Variants in SYNE1 observed in about 807,000 individuals in gnomAD.
SYNE1 encodes spectrin repeat containing nuclear envelope protein 1.
In SYNE1, 616 loss-of-function variants were observed where a neutral mutation model predicts 1,111.0. The observed-to-expected ratio is 0.55, with a 90% CI of 0.52 to 0.59. The LOEUF is 0.59. Ranked by LOEUF, SYNE1 falls within the 20% of genes least tolerant of loss-of-function variation. The pLI is 0.00. For missense variants in SYNE1, 10,006 were observed against 10,417.0 expected (o/e 0.96, Z 1.72); for synonymous variants, 3,855 against 3,825.8 (o/e 1.01, Z -0.28).
At chr6:152,411,503 G>C (rs1682433587) in intron 42 of SYNE1, among the ~76,000 whole-genome samples, 1 of 151,738 alleles carries the variant, frequency 6.6e-6, no homozygotes, top group Non-Finnish European at 1.5e-5. Context: ...GTTTTGATTG[G>C]GATTGTATAA....
At chr6:152,389,729 C>CTGACTG (rs2097578816) in intron 53 of SYNE1, among the ~76,000 whole-genome samples, 1 of 152,014 alleles carries the variant, frequency 6.6e-6, no homozygotes, top group Admixed American at 6.5e-5. Context: ...TGGACTGACT[C>CTGACTG]TTGGTTGTGG....
intron 87 of SYNE1, among the ~76,000 whole-genome samples, chr6:152,314,259 G>C (rs1443497770): frequency 1.3e-5 from 2 of 152,150 alleles, no homozygotes; most frequent in African/African-American, 4.8e-5. Flanking sequence ...ATTCCCAACA[G>C]ACTTTTAGGA....
At chr6:152,493,757 A>G (rs1274795036) in intron 11 of SYNE1, among the ~76,000 whole-genome samples, 1 of 152,106 alleles carries the variant, frequency 6.6e-6, no homozygotes, top group Non-Finnish European at 1.5e-5. Flanking sequence ...GTGTCCGGCT[A>G]ATCTCCCAAA....
intron 14 of SYNE1, chr6:152,480,667 CTAG>C (rs1343898814): frequency 4.7e-6 from 2 of 429,774 alleles, no homozygotes; most frequent in Non-Finnish European, 9.2e-6. Flanking sequence ...ATGCCCAGGC[CTAG>C]TAGAAGTTCC....
chr6:152,145,470 C>T lies in SYNE1; in HGVS notation c.24977-1705G>A, dbSNP rs375931512. ...ACAGGGGAGGGAGGGAGGCTGGCTC[C>T]GGCTTGTTGTGCCTACCGGAGGTAT... On this transcript the variant is annotated intron_variant, in intron 137 of 145. Coordinates refer to ENST00000367255, the MANE Select transcript of SYNE1 (RefSeq NM_182961.4). The T allele has an allele frequency of 1.1e-4, 172 of 1,612,942 alleles. No homozygotes were observed. The highest frequency in any genetic ancestry group is 6.0e-4 in the African/African-American group (45 of 74,836).
In SYNE1 at chr6:152,294,586, AC is replaced by A. The variant is rs200264057; in HGVS notation, c.17683-460del. On this transcript the variant is annotated intron_variant, in intron 93 of 145. Transcript: ENST00000367255. Reference sequence around the variant, plus strand: ...AATCTACAGATGCAGCCAGATCTTCACTATCTGTGGGTTCATCATTTGCTGA... The same window carrying A: ...AATCTACAGATGCAGCCAGATCTTCATATCTGTGGGTTCATCATTTGCTGA... Among the ~76,000 whole-genome samples, 983 of 152,298 alleles carry A rather than the reference AC, an allele frequency of 6.5e-3. 3 individuals are homozygous for A. Among genetic ancestry groups the A allele is most frequent in the Non-Finnish European group, 9.5e-3 (644 of 68,014 alleles).
At chr6:152,233,334 C>CT (rs71017528) in intron 112 of SYNE1, among the ~76,000 whole-genome samples, 160 of 147,394 alleles carry the variant, frequency 1.1e-3, no homozygotes, top group African/African-American at 1.2e-3. Context: ...GTAGTTCACT[C>CT]TTTTTTTTTT....
intron 91 of SYNE1, among the ~76,000 whole-genome samples, chr6:152,305,406 C>G (rs1232110355): frequency 6.6e-6 from 1 of 152,056 alleles, no homozygotes; most frequent in African/African-American, 2.4e-5. Flanking sequence ...GCTGAGACTA[C>G]AGACACCCGT....
intron 34 of SYNE1, 81 bp from the exon 35 acceptor site, chr6:152,430,790 G>A: frequency 7.6e-7 from 1 of 1,317,862 alleles, no homozygotes; most frequent in South Asian, 1.2e-5. Context: ...CTGCAAAGAG[G>A]GAATATTTTC....
chr6:152,494,065 G>A (rs1254601423), intron 11 of SYNE1, among the ~76,000 whole-genome samples: 2 of 152,184 alleles, frequency 1.3e-5, no homozygotes, highest in Non-Finnish European at 2.9e-5. Context: ...GCACTCTGTA[G>A]CCTTTCTATC....
In SYNE1 at chr6:152,290,233, C is replaced by T. The variant is rs191366697; in HGVS notation, c.18012+3355G>A. 4.8e-3 allele frequency among the ~76,000 whole-genome samples: 736 copies of T among 152,256 alleles called. 3 individuals carry two copies. The highest frequency in any genetic ancestry group is 0.017 in the African/African-American group (702 of 41,562). Reference sequence around the variant, plus strand: ...AGTCAGTACAACAGCCACAAGTCAGCTCATGAACTGCATTCAAACCTTAAA... The same window carrying T: ...AGTCAGTACAACAGCCACAAGTCAGTTCATGAACTGCATTCAAACCTTAAA... On this transcript the variant is annotated intron_variant, in intron 95 of 145. Coordinates refer to ENST00000367255, the MANE Select transcript of SYNE1 (RefSeq NM_182961.4).
In SYNE1 at chr6:152,337,024, A is replaced by G. The variant is rs545068392; in HGVS notation, c.12352-7T>C. On this transcript the variant is annotated splice_region_variant and splice_polypyrimidine_tract_variant and intron_variant, in intron 75 of 145. Transcript: ENST00000367255. ...GGACAAGCTTTTGTTCAATCTTGAG[A>G]AAACACAGAGATAAAAGTTAGCAAC... is the stretch of plus-strand genomic sequence containing the variant. The G allele has an allele frequency of 6.2e-7, 1 of 1,612,590 alleles. No homozygotes were observed. The highest frequency in any genetic ancestry group is 1.3e-5 in the African/African-American group (1 of 75,032).
chr6:152,619,285 T>C lies in SYNE1; in HGVS notation c.67+8980A>G, dbSNP rs1299270881. On this transcript the variant is annotated intron_variant, in intron 3 of 145. Coordinates refer to ENST00000367255, the MANE Select transcript of SYNE1 (RefSeq NM_182961.4). ...TCATGGGCTCTGGCGTGGTCTTCAC[T>C]CCTCTTACAGAGACCACGCCAAGGC... is the stretch of plus-strand genomic sequence containing the variant. Among the ~76,000 whole-genome samples the C allele has an allele frequency of 2.6e-5, 4 of 152,150 alleles. No individual in the cohort carries two copies. The East Asian group carries it at 7.7e-4, about 29-fold the overall frequency.
Position 152,230,623 on chromosome 6 carries a change from G to T in SYNE1, c.21119C>A (p.Thr7040Asn). Residue 7040 changes from threonine (T) to asparagine (N), a missense_variant, in exon 115 of 146, where the codon ACC (threonine) becomes AAC (asparagine). Transcript: ENST00000367255. ...CTGTTGTTTTAGTCTCTTTTCCTGGGTTTCAAACCATGTTTTCAGACATTG... is the reference window on the plus strand; with the variant it reads ...CTGTTGTTTTAGTCTCTTTTCCTGGTTTTCAAACCATGTTTTCAGACATTG... ...NVQCLKTWFETQEKRLKQQHR... is the reference protein window; with the variant it reads ...NVQCLKTWFENQEKRLKQQHR... The T allele has an allele frequency of 6.2e-7, 1 of 1,613,890 alleles. No homozygotes were observed. The highest frequency in any genetic ancestry group is 1.7e-4 in the Middle Eastern group (1 of 6,060).
intron 45 of SYNE1, among the ~76,000 whole-genome samples, chr6:152,406,026 G>A (rs934693224): frequency 5.9e-5 from 9 of 151,742 alleles, no homozygotes; most frequent in Non-Finnish European, 1.0e-4. Flanking sequence ...CAAATCCCAC[G>A]AGGGTAGGAC....
At chr6:152,271,456 T>C (rs1353260085) in intron 98 of SYNE1, among the ~76,000 whole-genome samples, 1 of 152,068 alleles carries the variant, frequency 6.6e-6, no homozygotes, top group Non-Finnish European at 1.5e-5. Context: ...ACAACGGGGG[T>C]GCAATGGTCT....
intron 145 of SYNE1, chr6:152,129,491 G>A (rs867954217): frequency 7.3e-5 from 11 of 151,262 alleles, no homozygotes; most frequent in Non-Finnish European, 1.2e-4. Flanking sequence ...GCGGATGCTC[G>A]TCATTATCTT....
chr6:152,496,391 A>G (rs1335074803), intron 11 of SYNE1, among the ~76,000 whole-genome samples: 1 of 152,166 alleles, frequency 6.6e-6, no homozygotes. Flanking sequence ...ATTACGCTGA[A>G]CCGCCTTGGG....
chr6:152,261,938 T>A, intron 101 of SYNE1, 94 bp downstream of exon 101: 1 of 1,051,814 alleles, frequency 9.5e-7, no homozygotes, highest in Non-Finnish European at 1.3e-6. Flanking sequence ...TTGAAATTGA[T>A]CATGAAAATT....
Sources: gnomAD v4.1 joint callset for allele counts (sites outside exome capture counted in the v4.1 genomes callset) on GRCh38, gnomAD v4.1.1 for gene constraint, MANE v1.5 for transcripts, NCBI Gene and HGNC (gene_info 2026-07-23, HGNC 2026-07-21) for gene names.